Variants in TTC6 observed in about 807,000 individuals in gnomAD.
TTC6 encodes tetratricopeptide repeat domain 6, also known as tetratricopeptide repeat protein 6.
TTC6 carries 172 observed loss-of-function variants against 210.4 expected under a neutral mutation model. That is an observed-to-expected ratio of 0.82 (90% CI 0.72 to 0.93). The LOEUF is 0.93. Ranked by LOEUF, TTC6 falls within the 40% of genes least tolerant of loss-of-function variation. The pLI, the probability that TTC6 is intolerant of heterozygous loss-of-function variation, is 0.00. For synonymous variants in TTC6, 804 were observed against 819.6 expected, an observed-to-expected ratio of 0.98 and a Z score of 0.32; for missense variants, 2,414 against 2,318.1, an observed-to-expected ratio of 1.04 and a Z score of -0.85.
At chr14:37,602,571 C>A (rs1555377123) in intron 1 of TTC6, among the ~76,000 whole-genome samples, 2 of 152,166 alleles carry the variant, frequency 1.3e-5, no homozygotes, top group Non-Finnish European at 2.9e-5. Flanking sequence ...TGCGATCCTC[C>A]GCCGCATCTG....
chr14:37,752,210 A>G (rs972758431), intron 13 of TTC6, among the ~76,000 whole-genome samples: 3 of 152,082 alleles, frequency 2.0e-5, no homozygotes, highest in Non-Finnish European at 2.9e-5. Flanking sequence ...TCCTGACTTT[A>G]AACTCCAAAT....
In TTC6 at chr14:37,683,085, T is replaced by A. The variant is rs967515806; in HGVS notation, c.1257+121T>A. ...GCTGGGGGCGGGGGTGATGGTGTGTTCACTCTGAAAAGGGGGCCTCAGAAG... is the reference window on the plus strand; with the variant it reads ...GCTGGGGGCGGGGGTGATGGTGTGTACACTCTGAAAAGGGGGCCTCAGAAG... On this transcript the variant is annotated intron_variant, in intron 3 of 30. Transcript: ENST00000553443. 2.3e-5 allele frequency: 19 copies of A among 809,794 alleles called. No individual in the cohort carries two copies. The African/African-American group carries it at 3.0e-4, about 13-fold the overall frequency. 50.2% of individuals were successfully genotyped at this position (809,794 alleles called of 1,614,324 possible).
At chr14:37,823,920 A>G (rs541009372) in exon 27 of TTC6, 10 of 1,614,004 alleles carry the variant, frequency 6.2e-6, no homozygotes, top group Non-Finnish European at 8.5e-6. Flanking sequence ...AATCCAGCAT[A>G]CATAAAAGCC....
chr14:37,788,269 C>T (rs1876679415), intron 15 of TTC6, among the ~76,000 whole-genome samples: 1 of 152,076 alleles, frequency 6.6e-6, no homozygotes, highest in South Asian at 2.1e-4. Context: ...AGTAAACAGC[C>T]TCCAACAGAA....
chr14:37,663,058 G>C (rs2138420823), intron 1 of TTC6, among the ~76,000 whole-genome samples: 1 of 152,050 alleles, frequency 6.6e-6, no homozygotes, highest in African/African-American at 2.4e-5. Flanking sequence ...TGTCATCTCT[G>C]ATTTCTTTGA....
chr14:37,787,217 A>T (rs896576242), intron 14 of TTC6, among the ~76,000 whole-genome samples: 1 of 152,210 alleles, frequency 6.6e-6, no homozygotes, highest in Non-Finnish European at 1.5e-5. Context: ...GTAAGAAATA[A>T]AATTAGTAAG....
chr14:37,757,837 C>T (rs905721317), intron 14 of TTC6, among the ~76,000 whole-genome samples: 1 of 151,892 alleles, frequency 6.6e-6, no homozygotes, highest in African/African-American at 2.4e-5. Flanking sequence ...TATAAATTTC[C>T]CTCTTAACTT....
rs537378252 is a variant in TTC6, at chr14:37,704,047, T to C, written c.1571+2521T>C. On this transcript the variant is annotated intron_variant, in intron 5 of 30. Coordinates refer to ENST00000553443, the Ensembl canonical transcript of TTC6. ...CCTGAGTTTCTTCATTCAAGATTGT[T>C]TGTGAACATTTAAATTATTTCATGA... 1.2e-4 allele frequency among the ~76,000 whole-genome samples: 19 copies of C among 152,270 alleles called. No homozygotes were observed. In the South Asian group the frequency reaches 3.9e-3, roughly 32 times the overall value.
chr14:37,829,920 A>G (rs934400519), intron 29 of TTC6, among the ~76,000 whole-genome samples: 23 of 152,220 alleles, frequency 1.5e-4, no homozygotes, highest in Admixed American at 1.4e-3. Context: ...CTTATTGCAC[A>G]TTTTAGTCTT....
chr14:37,621,316 A>G (rs1226023133), upstream of TTC6, among the ~76,000 whole-genome samples: 2 of 152,210 alleles, frequency 1.3e-5, no homozygotes, highest in Admixed American at 1.3e-4. Flanking sequence ...ATGAATTAAG[A>G]TTGTGGAAGT....
intron 1 of TTC6, among the ~76,000 whole-genome samples, chr14:37,638,668 G>C (rs1162549064): frequency 2.0e-5 from 3 of 152,140 alleles, no homozygotes; most frequent in Admixed American, 6.5e-5. Flanking sequence ...GGCTTTAAAA[G>C]GGCATTTTGT....
In TTC6 at chr14:37,792,253, T is replaced by A. The variant is rs78098834; in HGVS notation, c.3558-11T>A. ...TGTTTAACAAGATTTCACTTTCTCA[T>A]TTTTTTTTAGAACTATTACTTTGGC... On this transcript the variant is annotated splice_polypyrimidine_tract_variant and intron_variant, in intron 16 of 30. Transcript: ENST00000553443. 1 of 1,359,386 alleles carries A rather than the reference T, an allele frequency of 7.4e-7. No homozygotes were observed. The highest frequency in any genetic ancestry group is 9.7e-7 in the Non-Finnish European group (1 of 1,027,770). 84.2% of individuals were successfully genotyped at this position (1,359,386 alleles called of 1,614,324 possible). A position where few individuals can be genotyped will look rare whatever the true frequency, so the allele number is the denominator to read the frequency against.
At chr14:37,786,574 C>T (rs894322649) in intron 14 of TTC6, among the ~76,000 whole-genome samples, 10 of 152,208 alleles carry the variant, frequency 6.6e-5, no homozygotes, top group East Asian at 1.9e-4. Context: ...TTGCACTTCC[C>T]GGGTGAGGCG....
At chr14:37,692,690 C>T (rs2095806152) in intron 3 of TTC6, among the ~76,000 whole-genome samples, 1 of 151,776 alleles carries the variant, frequency 6.6e-6, no homozygotes, top group African/African-American at 2.4e-5. Flanking sequence ...GAAACCCCAT[C>T]TCCACTAAAA....
chr14:37,770,261 G>GA (rs1162213765), intron 14 of TTC6, among the ~76,000 whole-genome samples: 7 of 152,244 alleles, frequency 4.6e-5, no homozygotes, highest in African/African-American at 1.4e-4. Flanking sequence ...GTGTGGTGCT[G>GA]AAAAAAATGT....
chr14:37,604,890 G>T (rs1296467656), intron 1 of TTC6, among the ~76,000 whole-genome samples: 2 of 152,122 alleles, frequency 1.3e-5, no homozygotes, highest in Admixed American at 6.6e-5. Flanking sequence ...CTAAAATCCT[G>T]AAAACCCAAG....
At position 37,657,092 on chromosome 14, in the gene TTC6, G is replaced by A. The variant is rs1465543461; in HGVS notation, c.940-23059G>A. ...CCAGGCGTAGTGGCGCATACCGGTAGCCCCAGCTACTCGGCAGGCTGAGGC... is the reference window on the plus strand; with the variant it reads ...CCAGGCGTAGTGGCGCATACCGGTAACCCCAGCTACTCGGCAGGCTGAGGC... On this transcript the variant is annotated intron_variant, in intron 1 of 30. Transcript: ENST00000553443. Among the ~76,000 whole-genome samples the A allele has an allele frequency of 2.6e-5, 4 of 151,606 alleles. No individual in the cohort carries two copies. In the East Asian group the frequency reaches 7.8e-4, roughly 30 times the overall value.
intron 7 of TTC6, among the ~76,000 whole-genome samples, chr14:37,726,272 T>C (rs1440699085): frequency 1.3e-5 from 2 of 152,148 alleles, no homozygotes; most frequent in Admixed American, 1.3e-4. Flanking sequence ...AGTAATAGCA[T>C]AATAAAGCCA....
At chr14:37,601,017 G>C (rs192354775) in intron 1 of TTC6, among the ~76,000 whole-genome samples, 1 of 152,194 alleles carries the variant, frequency 6.6e-6, no homozygotes, top group Non-Finnish European at 1.5e-5. Flanking sequence ...CTTTTGCTGG[G>C]TTACTAGCAA....
Sources: allele counts gnomAD v4.1 joint callset (sites outside exome capture counted in the v4.1 genomes callset), GRCh38; gene constraint gnomAD v4.1.1; transcripts MANE v1.5; gene names NCBI Gene and HGNC (gene_info 2026-07-23, HGNC 2026-07-21).